NSMF: variants seen among roughly 807,000 people sequenced by gnomAD.
NSMF encodes nasal embryonic LHRH factor.
A neutral mutation model predicts 71.0 loss-of-function variants in NSMF; 31 were observed. The observed-to-expected ratio is 0.44, with a 90% CI of 0.33 to 0.59. The LOEUF (loss-of-function observed/expected upper bound fraction) is 0.59, where lower values mean the gene tolerates loss of function less well. Ranked by LOEUF, NSMF falls within the 20% of genes least tolerant of loss-of-function variation. NSMF has a pLI of 0.04. For synonymous variants in NSMF, 345 were observed against 287.1 expected, an observed-to-expected ratio of 1.20 and a Z score of -2.04; for missense variants, 673 against 740.5, an observed-to-expected ratio of 0.91 and a Z score of 1.06.
chr9:137,455,402 G>T, intron 5 of NSMF, 95 bp from the exon 6 acceptor site: 1 of 1,422,846 alleles, frequency 7.0e-7, no homozygotes, highest in Non-Finnish European at 9.9e-7. Context: ...CCAGCAGGGC[G>T]TCTGGGGCAC....
At chr9:137,455,486 G>C (rs1162663587) in intron 5 of NSMF, 143 bp downstream of exon 5, 6 of 1,175,894 alleles carry the variant, frequency 5.1e-6, no homozygotes, top group African/African-American at 3.1e-5. Flanking sequence ...CTGCGACCTC[G>C]GTGCCCGCTG....
chr9:137,452,656 G>A, intron 10 of NSMF, 70 bp from the exon 11 acceptor site: 1 of 1,608,284 alleles, frequency 6.2e-7, no homozygotes, highest in Non-Finnish European at 8.5e-7. Flanking sequence ...CAGCACCCTG[G>A]GGACCTGGGG....
intron 4 of NSMF, among the ~76,000 whole-genome samples, chr9:137,456,205 T>TG (rs1209785814): frequency 1.4e-4 from 18 of 132,128 alleles, no homozygotes; most frequent in East Asian, 5.4e-4. Flanking sequence ...ACTGTGTGTG[T>TG]GTGGGGGGGG....
At chr9:137,459,008 G>A (rs1450122021) in intron 1 of NSMF, 24 bp downstream of exon 1, 8 of 1,273,972 alleles carry the variant, frequency 6.3e-6, no homozygotes, top group East Asian at 3.2e-5. Flanking sequence ...GCGGGGTGCG[G>A]GAAGGCGGCC....
chr9:137,449,857 C>T (rs940301507), intron 14 of NSMF, 66 bp downstream of exon 14: 41 of 1,428,152 alleles, frequency 2.9e-5, no homozygotes, highest in Non-Finnish European at 3.7e-5. Context: ...ACATGGAAGG[C>T]TCTGCCCTGT....
chr9:137,459,071 A>G lies in NSMF; in HGVS notation c.32T>C (p.Leu11Pro). Residue 11 changes from leucine to proline, a missense_variant, in exon 1 of 16, where the codon CTG becomes CCG. Transcript: ENST00000371475. Reference protein sequence around the residue: MGAAASRRRALRSEAMSSVAA... With the variant: MGAAASRRRAPRSEAMSSVAA... ...CACCGAGGACATGGCCTCGCTCCTCAGCGCCCTCCTCCTGGAGGCGGCGGC... is the reference window on the plus strand; with the variant it reads ...CACCGAGGACATGGCCTCGCTCCTCGGCGCCCTCCTCCTGGAGGCGGCGGC... The G allele has an allele frequency of 8.0e-7, 1 of 1,249,772 alleles. No homozygotes were observed. Among genetic ancestry groups the G allele is most frequent in the South Asian group, 2.6e-5 (1 of 38,494 alleles). The allele number at this position is 1,249,772 out of a possible 1,614,324, so 77.4% of individuals were successfully genotyped here. A position where few individuals can be genotyped will look rare whatever the true frequency, so the allele number is the denominator to read the frequency against.
At chr9:137,458,048 C>T in intron 2 of NSMF, 147 bp from the exon 3 acceptor site, 1 of 1,170,644 alleles carries the variant, frequency 8.5e-7, no homozygotes, top group Non-Finnish European at 1.2e-6. Context: ...TGGCGTGTTT[C>T]TGAGCCCCTC....
rs1459651830 is a variant in NSMF at position 137,454,440 on chromosome 9, G to A, written c.783C>T (p.Asn261=). Residue 261 remains asparagine, a synonymous_variant, in exon 7 of 16, where the codon AAC becomes AAT. Transcript: ENST00000371475. ...CGACCATGCGCAGGTGTTTGCGGAA[G>A]TTCCTGGGGGAGGAAGCCAGGGGCT... The part of the protein sequence containing the change: ...ENDSASVIQR[N]FRKHLRMVGS... 6.5e-7 allele frequency: 1 copy of A among 1,550,266 alleles called. No individual in the cohort carries two copies.
At chr9:137,458,677 C>G in intron 1 of NSMF, 128 bp from the exon 2 acceptor site, 1 of 930,382 alleles carries the variant, frequency 1.1e-6, no homozygotes, top group Non-Finnish European at 1.7e-6. Flanking sequence ...GGGGTCGTCC[C>G]CCTCCGGGAG....
In NSMF at chr9:137,453,808, C is replaced by T. The variant is rs1306416169; in HGVS notation, c.845G>A (p.Arg282Gln). The change falls in exon 8 of 16, where the codon CGG becomes CAG. Residue 282 changes from arginine to glutamine, a missense_variant. By Grantham distance (43) the Arg-to-Gln change is conservative. Transcript: ENST00000371475. This position sits in a 1 kb window ranked among gnomAD's most constrained non-coding sequence, Gnocchi z 4.5. ...RRVKAQTFAERRERSFSRSWS... is the reference protein window; with the variant it reads ...RRVKAQTFAEQRERSFSRSWS... Reference sequence around the variant, plus strand: ...GGACCGGCTGAAGCTCCGCTCGCGCCGCTCAGCGAACGCTGCAGAGAGCAA... The same window carrying T: ...GGACCGGCTGAAGCTCCGCTCGCGCTGCTCAGCGAACGCTGCAGAGAGCAA... 1 of 1,593,318 alleles carries T rather than the reference C, an allele frequency of 6.3e-7. No individual in the cohort carries two copies. The highest frequency in any genetic ancestry group is 1.7e-5 in the Admixed American group (1 of 58,774).
Position 137,453,525 on chromosome 9 carries a change from CG to C in NSMF, c.922+205del. 1.7e-6 allele frequency: 1 copy of C among 604,502 alleles called. No homozygotes were observed. The highest frequency in any genetic ancestry group is 2.0e-5 in the South Asian group (1 of 49,860). The allele number at this position is 604,502 out of a possible 1,614,324, so 37.4% of individuals were successfully genotyped here. A position where few individuals can be genotyped will look rare whatever the true frequency, so the allele number is the denominator to read the frequency against. ...GTGGCGGTGGGCACGGCCCTACAGG[CG>C]CCCCCGGCCAGCACTGCCGCGGCCG... is the stretch of plus-strand genomic sequence containing the variant. On this transcript the variant is annotated intron_variant, in intron 8 of 15. Coordinates refer to ENST00000371475, the MANE Select transcript of NSMF (RefSeq NM_001130969.3). The surrounding 1 kb of genome is among the most constrained non-coding windows in gnomAD (Gnocchi z 4.5).
At chr9:137,455,665 G>A (rs1830796440) in intron 4 of NSMF, 31 bp from the exon 5 acceptor site, 11 of 1,550,342 alleles carry the variant, frequency 7.1e-6, no homozygotes, top group Non-Finnish European at 9.6e-6. Context: ...GATGGCGTGA[G>A]AGAGAAGACA....
In NSMF at chr9:137,457,815, C is replaced by T. The variant is rs749151845; in HGVS notation, c.220G>A (p.Val74Ile). 16 of 1,557,780 alleles carry T rather than the reference C, an allele frequency of 1.0e-5. No homozygotes were observed. The highest frequency in any genetic ancestry group is 2.7e-5 in the African/African-American group (2 of 73,778). Residue 74 changes from valine (V) to isoleucine (I), a missense_variant, in exon 3 of 16, where the codon GTC becomes ATC. Transcript: ENST00000371475. ...APQNKRRLSLVSNGCYEGSLS... is the reference protein window; with the variant it reads ...APQNKRRLSLISNGCYEGSLS... ...CTGCCCTCGTAGCAGCCGTTGGAGACGAGGGACAGGCGGCGCTTGTTCTGG... is the reference window on the plus strand; with the variant it reads ...CTGCCCTCGTAGCAGCCGTTGGAGATGAGGGACAGGCGGCGCTTGTTCTGG...
In NSMF at chr9:137,452,604, C is replaced by A; in HGVS notation, c.1132-18G>T. 6.2e-7 allele frequency: 1 copy of A among 1,611,078 alleles called. No individual in the cohort carries two copies. Among genetic ancestry groups the A allele is most frequent in the Non-Finnish European group, 8.5e-7 (1 of 1,179,224 alleles). On this transcript the variant is annotated intron_variant, in intron 10 of 15. Transcript: ENST00000371475. ...TCATGGTCCTGGGGACAGACACAGG[C>A]CACAAGGCCACATCAAGGCTGCGTC... is the stretch of plus-strand genomic sequence containing the variant.
chr9:137,454,941 A>G (rs1564265353), intron 6 of NSMF: 2 of 693,252 alleles, frequency 2.9e-6, no homozygotes, highest in Admixed American at 2.2e-5. Context: ...CCCAACATCC[A>G]AAACGGGCAA....
At position 137,449,974 on chromosome 9, in the gene NSMF, G is replaced by A. The variant is rs200918564; in HGVS notation, c.1368C>T (p.Asn456=). Residue 456 remains asparagine, a synonymous_variant, in exon 14 of 16, where the codon AAC becomes AAT. Transcript: ENST00000371475. ...RLMSKVNPEP[N]VIHIMGCYIL... The stretch of plus-strand genomic sequence containing the variant: ...TGTAGCAGCCCATGATGTGGATGAC[G>A]TTCGGCTCTGGGTTCACTTTGCTCA... 2.7e-5 allele frequency: 44 copies of A among 1,613,120 alleles called. No homozygotes were observed. The highest frequency in any genetic ancestry group is 9.9e-5 in the South Asian group (9 of 91,096).
rs956930031 is a variant in NSMF, at chr9:137,453,646, C to A, written c.922+85G>T. 5 of 1,038,580 alleles carry A rather than the reference C, an allele frequency of 4.8e-6. No homozygotes were observed. Among genetic ancestry groups the A allele is most frequent in the South Asian group, 4.5e-5 (3 of 66,830 alleles). The allele number at this position is 1,038,580 out of a possible 1,614,324, so 64.3% of individuals were successfully genotyped here. On this transcript the variant is annotated intron_variant, in intron 8 of 15. Transcript: ENST00000371475. The surrounding 1 kb of genome is among the most constrained non-coding windows in gnomAD (Gnocchi z 4.5). ...TCAGGAGTGCAAAAGCGCAGCCCAGCGGCCCTGGCAGGGGACCCCCAGCAG... is the reference window on the plus strand; with the variant it reads ...TCAGGAGTGCAAAAGCGCAGCCCAGAGGCCCTGGCAGGGGACCCCCAGCAG...
chr9:137,449,127 G>T lies in NSMF; in HGVS notation c.*267C>A. On this transcript the variant is annotated 3_prime_UTR_variant, in exon 16 of 16. Coordinates refer to ENST00000371475, the MANE Select transcript of NSMF (RefSeq NM_001130969.3). ...GATGCCCACAGCTGAGCCTCCAGGC[G>T]AGGCATGGCAGGTCAGTGCCTGGCC... 1.7e-6 allele frequency: 1 copy of T among 576,336 alleles called. No individual in the cohort carries two copies. Among genetic ancestry groups the T allele is most frequent in the Non-Finnish European group, 3.1e-6 (1 of 320,754 alleles). The allele number at this position is 576,336 out of a possible 1,614,324, so 35.7% of individuals were successfully genotyped here.
rs1276442760 is a variant in NSMF, at chr9:137,452,431, C to T, written c.1170G>A (p.Glu390=). 2 of 1,612,692 alleles carry T rather than the reference C, an allele frequency of 1.2e-6. No homozygotes were observed. The highest frequency in any genetic ancestry group is 2.7e-5 in the African/African-American group (2 of 74,990). The change falls in exon 12 of 16, where the codon GAG becomes GAA. Residue 390 remains glutamate (E), a synonymous_variant. Transcript: ENST00000371475. The part of the protein sequence containing the change: ...EHATFEDILE[E]IERKLNVYHK... ...GGTAGACGTTCAGCTTCCTCTCTAT[C>T]TCCTCTGTGGGAGAGCGGGTGTGAG... is the stretch of plus-strand genomic sequence containing the variant.
Sources: gnomAD v4.1 joint callset for allele counts (sites outside exome capture counted in the v4.1 genomes callset) on GRCh38, gnomAD v4.1.1 for gene constraint, Gnocchi (gnomAD v3.1) non-coding constraint, MANE v1.5 for transcripts, NCBI Gene and HGNC (gene_info 2026-07-23, HGNC 2026-07-21) for gene names.